The following SRD5A1 variants were observed in gnomAD, a reference collection of about 807,000 sequenced individuals.
SRD5A1 encodes steroid 5 alpha-reductase 1, also known as 3-oxo-5-alpha-steroid 4-dehydrogenase 1.
Under a neutral mutation model 28.2 loss-of-function variants are expected in SRD5A1, and 22 were observed. That is an observed-to-expected ratio of 0.78 (90% CI 0.56 to 1.12). The LOEUF (loss-of-function observed/expected upper bound fraction) is 1.12, where lower values mean the gene tolerates loss of function less well. SRD5A1 is among the 50% of genes most tolerant of loss of function. The pLI is 0.00. For missense variants in SRD5A1, 300 were observed against 346.7 expected, an observed-to-expected ratio of 0.87 and a Z score of 1.07; for synonymous variants, 151 against 135.0, an observed-to-expected ratio of 1.12 and a Z score of -0.82.
intron 3 of SRD5A1, among the ~76,000 whole-genome samples, chr5:6,659,431 T>C (rs1423031507): frequency 1.3e-5 from 2 of 152,168 alleles, no homozygotes; most frequent in Non-Finnish European, 2.9e-5. Context: ...TCATTCTTAT[T>C]GTGAATGATG....
rs1452637622 is a variant in SRD5A1, at chr5:6,633,555, A to G, written c.-22A>G. ...GCCCGCCGCGGCCTCTGGGGCATGG[A>G]GCACGCTGCCCAGCCCTGGCGATGG... On this transcript the variant is annotated 5_prime_UTR_variant, in exon 1 of 5. Transcript: ENST00000274192. 4 of 1,485,118 alleles carry G rather than the reference A, an allele frequency of 2.7e-6. No homozygotes were observed. In the African/African-American group the frequency reaches 5.8e-5, roughly 22 times the overall value. 92.0% of individuals were successfully genotyped at this position (1,485,118 alleles called of 1,614,324 possible).
chr5:6,660,077 A>C (rs146491638), intron 3 of SRD5A1, among the ~76,000 whole-genome samples: 11 of 152,300 alleles, frequency 7.2e-5, no homozygotes, highest in Non-Finnish European at 1.0e-4. Context: ...TGAACAAATA[A>C]AGAGATAAAG....
intron 2 of SRD5A1, among the ~76,000 whole-genome samples, 181 bp from the exon 3 acceptor site, chr5:6,655,897 A>G (rs1284054511): frequency 6.6e-6 from 1 of 152,220 alleles, no homozygotes; most frequent in African/African-American, 2.4e-5. Flanking sequence ...TAGGAAAACA[A>G]AGCCCTGCTT....
intron 1 of SRD5A1, among the ~76,000 whole-genome samples, chr5:6,647,669 G>A (rs1251386070): frequency 6.6e-6 from 1 of 152,084 alleles, no homozygotes; most frequent in Non-Finnish European, 1.5e-5. Context: ...GTCTTTGCAC[G>A]TGAGATGGGT....
At chr5:6,653,125 A>C (rs1226063813) in intron 2 of SRD5A1, among the ~76,000 whole-genome samples, 1 of 152,208 alleles carries the variant, frequency 6.6e-6, no homozygotes, top group Non-Finnish European at 1.5e-5. Context: ...AATCATAGAA[A>C]TAAACTAACA....
chr5:6,642,080 A>G (rs766851955), intron 1 of SRD5A1, among the ~76,000 whole-genome samples: 2 of 152,350 alleles, frequency 1.3e-5, no homozygotes, highest in East Asian at 3.9e-4. Context: ...TTCAAAATAT[A>G]TTATCTTAGT....
At chr5:6,637,344 G>C (rs1738215648) in intron 1 of SRD5A1, among the ~76,000 whole-genome samples, 1 of 151,176 alleles carries the variant, frequency 6.6e-6, no homozygotes, top group African/African-American at 2.5e-5. Context: ...CTGTAACCCA[G>C]GTCCTCATCA....
chr5:6,647,006 T>G (rs1337585893), intron 1 of SRD5A1, among the ~76,000 whole-genome samples: 1 of 152,250 alleles, frequency 6.6e-6, no homozygotes, highest in African/African-American at 2.4e-5. Context: ...AAAGAACATC[T>G]TTATTTCTGC....
chr5:6,655,976 G>C, intron 2 of SRD5A1, 102 bp from the exon 3 acceptor site: 1 of 809,282 alleles, frequency 1.2e-6, no homozygotes, highest in Non-Finnish European at 2.1e-6. Flanking sequence ...ACTAACAATG[G>C]TAATCTGAAG....
chr5:6,660,990 C>T (rs770095644), intron 3 of SRD5A1, among the ~76,000 whole-genome samples: 2 of 152,116 alleles, frequency 1.3e-5, no homozygotes, highest in African/African-American at 2.4e-5. Context: ...CACAAGAAAC[C>T]GCCTGCATGA....
intron 1 of SRD5A1, among the ~76,000 whole-genome samples, chr5:6,647,176 G>A (rs1738532376): frequency 6.6e-6 from 1 of 152,164 alleles, no homozygotes; most frequent in Non-Finnish European, 1.5e-5. Context: ...TGCATTTGTT[G>A]AGGAGTGTTT....
chr5:6,667,672 G>A (rs1739227335), intron 4 of SRD5A1, among the ~76,000 whole-genome samples: 1 of 152,180 alleles, frequency 6.6e-6, no homozygotes, highest in Non-Finnish European at 1.5e-5. Flanking sequence ...CGAGCACAAG[G>A]CTGAATGGTG....
chr5:6,648,951 G>A lies in SRD5A1; in HGVS notation c.294-2891G>A, dbSNP rs188154976. 3.3e-3 allele frequency among the ~76,000 whole-genome samples: 506 copies of A among 151,330 alleles called. 3 individuals are homozygous for A. Among genetic ancestry groups the A allele is most frequent in the African/African-American group, 0.011 (441 of 41,266 alleles). ...GGCGATATCGATACTATTTTTTTTCGGTTTGTTAGTTTTCCTTCTAACAGG... is the reference window on the plus strand; with the variant it reads ...GGCGATATCGATACTATTTTTTTTCAGTTTGTTAGTTTTCCTTCTAACAGG... On this transcript the variant is annotated intron_variant, in intron 1 of 4. Transcript: ENST00000274192.
chr5:6,643,886 G>T (rs895778464), intron 1 of SRD5A1, among the ~76,000 whole-genome samples: 5 of 152,184 alleles, frequency 3.3e-5, no homozygotes, highest in Non-Finnish European at 7.3e-5. Context: ...GTGCTTTTCT[G>T]TGAGTTGGGA....
At chr5:6,652,521 A>G (rs1738709111) in intron 2 of SRD5A1, among the ~76,000 whole-genome samples, 2 of 152,148 alleles carry the variant, frequency 1.3e-5, no homozygotes, top group Admixed American at 6.5e-5. Flanking sequence ...TAACTTTTTA[A>G]GTTCTAAGCA....
intron 4 of SRD5A1, among the ~76,000 whole-genome samples, chr5:6,666,458 G>A (rs1348886339): frequency 2.0e-5 from 3 of 151,972 alleles, no homozygotes; most frequent in Admixed American, 6.6e-5. Flanking sequence ...GGATTATAAC[G>A]TTCTAAAAAC....
intron 1 of SRD5A1, among the ~76,000 whole-genome samples, chr5:6,640,740 T>C (rs1449021177): frequency 6.6e-6 from 1 of 152,202 alleles, no homozygotes; most frequent in Non-Finnish European, 1.5e-5. Context: ...AGATTTAATC[T>C]TACATTTACT....
chr5:6,661,635 C>T (rs942861706), intron 3 of SRD5A1, among the ~76,000 whole-genome samples: 5 of 147,248 alleles, frequency 3.4e-5, no homozygotes, highest in Admixed American at 7.0e-5. Flanking sequence ...TGGGTTCAAG[C>T]GATTCTCATG....
intron 1 of SRD5A1, among the ~76,000 whole-genome samples, chr5:6,638,324 C>A (rs1297722208): frequency 6.6e-6 from 1 of 152,212 alleles, no homozygotes; most frequent in African/African-American, 2.4e-5. Context: ...AAAAAGAAGT[C>A]ATAGCGTTTT....
Sources: allele counts gnomAD v4.1 joint callset (sites outside exome capture counted in the v4.1 genomes callset), GRCh38; gene constraint gnomAD v4.1.1; transcripts MANE v1.5; gene names NCBI Gene and HGNC (gene_info 2026-07-23, HGNC 2026-07-21).